Variants in SCOC observed in about 807,000 individuals in gnomAD.
The protein encoded by SCOC is short coiled-coil protein.
Under a neutral mutation model 9.9 loss-of-function variants are expected in SCOC, and 7 were observed. The ratio of observed to expected loss-of-function variants is 0.71; its 90% CI spans 0.40 to 1.33. SCOC has a LOEUF of 1.33. Ranked by LOEUF, SCOC falls within the 40% of genes most tolerant of loss-of-function variation. The probability of loss-of-function intolerance (pLI) is 0.01; values close to 1 mark genes in which losing one functional copy is unlikely to be tolerated. For missense variants in SCOC, 66 were observed against 89.7 expected (o/e 0.74, Z 1.07); for synonymous variants, 19 against 28.2 (o/e 0.67, Z 1.03).
At chr4:140,340,579 C>A (rs1211931835), upstream of SCOC, among the ~76,000 whole-genome samples, 1 of 151,818 alleles carries the variant, frequency 6.6e-6, no homozygotes, top group Non-Finnish European at 1.5e-5. Context: ...CCTCTCACTC[C>A]ATATATAAAA....
intron 1 of SCOC, among the ~76,000 whole-genome samples, chr4:140,323,968 C>A (rs1299367967): frequency 1.3e-5 from 2 of 151,898 alleles, no homozygotes; most frequent in African/African-American, 4.8e-5. Context: ...GCAAAAAATG[C>A]TCAACAAAAT....
intron 1 of SCOC, among the ~76,000 whole-genome samples, chr4:140,300,566 G>A (rs985487895): frequency 2.0e-5 from 3 of 152,232 alleles, no homozygotes; most frequent in Non-Finnish European, 2.9e-5. Flanking sequence ...GGGTGTCTCT[G>A]CTGGGCATTT....
intron 2 of SCOC, among the ~76,000 whole-genome samples, chr4:140,358,222 G>T (rs538928883): frequency 1.2e-3 from 177 of 152,296 alleles, no homozygotes; most frequent in Non-Finnish European, 2.1e-3. Flanking sequence ...AAAGGAAAAA[G>T]AAATCTTTGG....
In SCOC at chr4:140,366,823, C is replaced by G. The variant is rs1727820790; in HGVS notation, c.71-12298C>G. ...GGCACGAGGTCCAGAGGGGATGTAG[C>G]CCACACGGCCAACCTCCACGAAGCG... On this transcript the variant is annotated intron_variant, in intron 2 of 4. Coordinates refer to the SCOC transcript ENST00000338517. The G allele has an allele frequency of 4.1e-6, 4 of 964,382 alleles. No homozygotes were observed. The Admixed American group carries it at 5.1e-5, about 12-fold the overall frequency. 59.7% of individuals were successfully genotyped at this position (964,382 alleles called of 1,614,324 possible). A position where few individuals can be genotyped will look rare whatever the true frequency, so the allele number is the denominator to read the frequency against.
At chr4:140,339,686 A>G (rs1437282363), upstream of SCOC, among the ~76,000 whole-genome samples, 2 of 152,256 alleles carry the variant, frequency 1.3e-5, no homozygotes, top group Admixed American at 1.3e-4. Flanking sequence ...TGCAGCCAAA[A>G]GACACATGAA....
chr4:140,304,944 G>A (rs1221344365), intron 1 of SCOC, among the ~76,000 whole-genome samples: 1 of 152,112 alleles, frequency 6.6e-6, no homozygotes, highest in Non-Finnish European at 1.5e-5. Flanking sequence ...GCCCTTCTGT[G>A]ATTTGTCCAC....
intron 2 of SCOC, among the ~76,000 whole-genome samples, chr4:140,355,224 T>TATGATATATATATATATATATATATG (rs531833785): frequency 7.5e-5 from 6 of 80,218 alleles, no homozygotes; most frequent in African/African-American, 2.0e-4. Context: ...TATATATATA[T>TATGATATATATATATATATATATATG]ATATATATAT....
chr4:140,375,950 G>T (rs1340479799), intron 1 of SCOC, among the ~76,000 whole-genome samples: 1 of 152,134 alleles, frequency 6.6e-6, no homozygotes, highest in Non-Finnish European at 1.5e-5. Flanking sequence ...AGCAGACTTG[G>T]TCTTAATTTT....
upstream of SCOC, among the ~76,000 whole-genome samples, chr4:140,339,125 G>A (rs1430826773): frequency 2.0e-5 from 3 of 152,152 alleles, no homozygotes; most frequent in Admixed American, 6.5e-5. Flanking sequence ...GAACAGAACA[G>A]ACCCCTCAGA....
chr4:140,276,303 A>G (rs1389386992), intron 1 of SCOC, among the ~76,000 whole-genome samples: 1 of 150,728 alleles, frequency 6.6e-6, no homozygotes, highest in Non-Finnish European at 1.5e-5. Context: ...CACCCGGCCT[A>G]ATTTTTGTAT....
upstream of SCOC, among the ~76,000 whole-genome samples, chr4:140,342,494 A>C (rs974217351): frequency 2.6e-5 from 4 of 152,202 alleles, no homozygotes; most frequent in African/African-American, 9.6e-5. Flanking sequence ...TAATTGAAAA[A>C]TTGGGGGAAT....
rs900071703 is a variant in SCOC, at chr4:140,286,054, G to A, written c.-19+28644G>A. Among the ~76,000 whole-genome samples the A allele has an allele frequency of 2.6e-5, 4 of 152,166 alleles. No homozygotes were observed. In the South Asian group the frequency reaches 6.2e-4, roughly 24 times the overall value. ...ACAAAAATTAGCCGGATGTGGTGGT[G>A]GATGTCTGTAATTCCAGGTGCTCGG... is the stretch of plus-strand genomic sequence containing the variant. On this transcript the variant is annotated intron_variant, in intron 1 of 4. Coordinates refer to the SCOC transcript ENST00000394205.
intron 1 of SCOC, among the ~76,000 whole-genome samples, chr4:140,278,520 C>G (rs934221087): frequency 1.3e-5 from 2 of 152,068 alleles, no homozygotes; most frequent in Admixed American, 1.3e-4. Flanking sequence ...AGGATGGTCT[C>G]GATCTCCTGA....
At chr4:140,355,211 T>TTATATATATATATATGATATATATATATA (rs1553940379) in intron 2 of SCOC, among the ~76,000 whole-genome samples, 1 of 61,424 alleles carries the variant, frequency 1.6e-5, no homozygotes, top group African/African-American at 4.8e-5. Context: ...CATTATATTT[T>TTATATATATATATATGATATATATATATA]TATATATATA....
chr4:140,333,191 T>C (rs1457199200), intron 1 of SCOC, among the ~76,000 whole-genome samples: 1 of 152,164 alleles, frequency 6.6e-6, no homozygotes, highest in Non-Finnish European at 1.5e-5. Flanking sequence ...CTTTAGTCTC[T>C]GCTCCAATGT....
At chr4:140,267,638 T>G (rs1730757848) in intron 1 of SCOC, among the ~76,000 whole-genome samples, 1 of 151,968 alleles carries the variant, frequency 6.6e-6, no homozygotes, top group African/African-American at 2.4e-5. Context: ...CCCACTCCAT[T>G]TGTTGCCAGA....
At chr4:140,293,478 C>T (rs767320646) in intron 1 of SCOC, 37 of 438,732 alleles carry the variant, frequency 8.4e-5, no homozygotes, top group Middle Eastern at 3.4e-4. Flanking sequence ...ATGGAAATGC[C>T]GGTCTGACAC....
chr4:140,343,587 T>A, intron 1 of SCOC: 5 of 1,435,382 alleles, frequency 3.5e-6, no homozygotes, highest in Non-Finnish European at 4.9e-6. Flanking sequence ...GGACAACTGC[T>A]GCTTTTCTCT....
intron 2 of SCOC, among the ~76,000 whole-genome samples, chr4:140,355,223 A>ATATGATATG (rs1247952108): frequency 1.2e-4 from 2 of 16,340 alleles, no homozygotes; most frequent in Non-Finnish European, 2.8e-4. Context: ...ATATATATAT[A>ATATGATATG]TATATATATA....
Sources: gnomAD v4.1 joint callset for allele counts (sites outside exome capture counted in the v4.1 genomes callset) on GRCh38, gnomAD v4.1.1 for gene constraint, MANE v1.5 for transcripts, NCBI Gene and HGNC (gene_info 2026-07-23, HGNC 2026-07-21) for gene names.